Variants in ZDHHC14 observed in about 807,000 individuals in gnomAD.
ZDHHC14 encodes the protein palmitoyltransferase ZDHHC14.
ZDHHC14 carries 16 observed loss-of-function variants against 47.7 expected under a neutral mutation model. The ratio of observed to expected loss-of-function variants is 0.34; its 90% CI spans 0.23 to 0.51. The LOEUF (loss-of-function observed/expected upper bound fraction) is 0.51. ZDHHC14 is among the 20% of genes least tolerant of loss of function. The pLI is 0.97. For synonymous variants in ZDHHC14, 293 were observed against 278.9 expected, an observed-to-expected ratio of 1.05 and a Z score of -0.50; for missense variants, 515 against 662.5, an observed-to-expected ratio of 0.78 and a Z score of 2.44.
At chr6:157,460,405 G>GAAAAAAAAAAAAAAAAAAAAAAAA (rs1164382844) in intron 1 of ZDHHC14, among the ~76,000 whole-genome samples, 1 of 43,360 alleles carries the variant, frequency 2.3e-5, no homozygotes, top group Non-Finnish European at 4.0e-5. Flanking sequence ...TCTCTCTCTG[G>GAAAAAAAAAAAAAAAAAAAAAAAA]AAAAAAAAAA....
At chr6:157,413,839 G>A (rs889690522) in intron 1 of ZDHHC14, among the ~76,000 whole-genome samples, 1 of 152,114 alleles carries the variant, frequency 6.6e-6, no homozygotes, top group Non-Finnish European at 1.5e-5. Context: ...GTTACAAGGT[G>A]TCTGTTGAAT....
intron 1 of ZDHHC14, among the ~76,000 whole-genome samples, chr6:157,511,449 C>T (rs556773760): frequency 9.9e-5 from 15 of 151,036 alleles, no homozygotes; most frequent in Non-Finnish European, 1.9e-4. Flanking sequence ...GGTGCCATCT[C>T]GGCTCACTAC....
chr6:157,619,146 C>T (rs368216002), intron 3 of ZDHHC14, among the ~76,000 whole-genome samples: 4 of 151,652 alleles, frequency 2.6e-5, no homozygotes, highest in Admixed American at 1.3e-4. Context: ...ATGGGGAGGC[C>T]GAGGCAGGTG....
intron 2 of ZDHHC14, among the ~76,000 whole-genome samples, chr6:157,591,884 A>G (rs1783924484): frequency 6.6e-6 from 1 of 152,202 alleles, no homozygotes; most frequent in African/African-American, 2.4e-5. Context: ...GATGCTCCTC[A>G]GGACTGATCC....
Position 157,414,397 on chromosome 6 carries a change from C to T in ZDHHC14, c.245+32131C>T, listed in dbSNP as rs145730367. Among the ~76,000 whole-genome samples the T allele has an allele frequency of 8.3e-3, 1,269 of 152,362 alleles. 6 individuals carry two copies. Among genetic ancestry groups the T allele is most frequent in the Non-Finnish European group, 0.012 (794 of 68,032 alleles). On this transcript the variant is annotated intron_variant, in intron 1 of 8. Transcript: ENST00000359775. ...TTCTAGAAAAGTAGGCTAGCTGGCACCCTTGATTATGAAAACCATGGTGCC... is the reference window on the plus strand; with the variant it reads ...TTCTAGAAAAGTAGGCTAGCTGGCATCCTTGATTATGAAAACCATGGTGCC...
chr6:157,567,485 C>T (rs748433757), intron 2 of ZDHHC14, among the ~76,000 whole-genome samples: 6 of 152,114 alleles, frequency 3.9e-5, no homozygotes, highest in African/African-American at 7.2e-5. Flanking sequence ...CCTGGAGGTC[C>T]ATGACAACTG....
At chr6:157,406,336 C>T (rs1260340078) in intron 1 of ZDHHC14, among the ~76,000 whole-genome samples, 2 of 152,190 alleles carry the variant, frequency 1.3e-5, no homozygotes, top group African/African-American at 4.8e-5. Context: ...TGTGATGTCT[C>T]CTCAGGTATT....
intron 1 of ZDHHC14, among the ~76,000 whole-genome samples, chr6:157,462,753 G>A (rs1779121214): frequency 6.6e-6 from 1 of 152,238 alleles, no homozygotes; most frequent in South Asian, 2.1e-4. Context: ...AGGGTTCTCT[G>A]TTTGAAGTGC....
intron 2 of ZDHHC14, among the ~76,000 whole-genome samples, chr6:157,584,324 G>A (rs370752010): frequency 6.6e-6 from 1 of 151,852 alleles, no homozygotes; most frequent in Non-Finnish European, 1.5e-5. Context: ...GGAGGTGCCA[G>A]CATAGTGACT....
chr6:157,422,611 G>A (rs1199806523), intron 1 of ZDHHC14, among the ~76,000 whole-genome samples: 8 of 152,084 alleles, frequency 5.3e-5, no homozygotes, highest in African/African-American at 1.9e-4. Context: ...TTGCTATGTG[G>A]CAGACTCTAC....
At chr6:157,609,566 G>A (rs1784676420) in intron 3 of ZDHHC14, among the ~76,000 whole-genome samples, 1 of 151,862 alleles carries the variant, frequency 6.6e-6, no homozygotes. Context: ...TGTGTTGAGT[G>A]AGGTAGGTTG....
chr6:157,400,114 A>AT (rs1378158702), intron 1 of ZDHHC14, among the ~76,000 whole-genome samples: 2 of 152,056 alleles, frequency 1.3e-5, no homozygotes, highest in South Asian at 2.1e-4. Context: ...AACTTTTTCT[A>AT]TTTTTTCTTG....
At chr6:157,416,811 T>TTTG (rs1394950483) in intron 1 of ZDHHC14, among the ~76,000 whole-genome samples, 2 of 149,780 alleles carry the variant, frequency 1.3e-5, no homozygotes, top group Non-Finnish European at 3.0e-5. Context: ...TAGCAAATTT[T>TTTG]TTTTTTTTTT....
intron 3 of ZDHHC14, among the ~76,000 whole-genome samples, chr6:157,603,284 C>T (rs773257250): frequency 6.6e-6 from 1 of 152,172 alleles, no homozygotes; most frequent in Non-Finnish European, 1.5e-5. Context: ...CTGCCCTTAA[C>T]GAGTTTTCCA....
At chr6:157,593,173 C>A (rs752931227) in intron 3 of ZDHHC14, 27 bp downstream of exon 3, 7 of 1,589,082 alleles carry the variant, frequency 4.4e-6, no homozygotes, top group Non-Finnish European at 6.0e-6. Context: ...CGGAGCCTGG[C>A]GGGAGCCCGG....
chr6:157,597,896 A>G (rs565920486), intron 3 of ZDHHC14, among the ~76,000 whole-genome samples: 71 of 152,352 alleles, frequency 4.7e-4, no homozygotes, highest in Admixed American at 8.5e-4. Flanking sequence ...GCAGGGACTC[A>G]GTGTCCAGTC....
intron 1 of ZDHHC14, among the ~76,000 whole-genome samples, chr6:157,408,024 C>G (rs1777802299): frequency 6.6e-6 from 1 of 152,152 alleles, no homozygotes; most frequent in African/African-American, 2.4e-5. Flanking sequence ...TAGAAGTAGA[C>G]TCAAGAAGGA....
chr6:157,391,818 T>TA (rs1169847468), intron 1 of ZDHHC14, among the ~76,000 whole-genome samples: 2 of 152,226 alleles, frequency 1.3e-5, no homozygotes, highest in South Asian at 4.1e-4. Flanking sequence ...TTCTCATTGT[T>TA]AGAGTGGGAG....
chr6:157,670,125 C>G (rs1778730375), intron 8 of ZDHHC14, among the ~76,000 whole-genome samples: 1 of 152,148 alleles, frequency 6.6e-6, no homozygotes, highest in Non-Finnish European at 1.5e-5. Flanking sequence ...CTCAGTAGCC[C>G]CCACCGGAAG....
Sources: allele counts gnomAD v4.1 joint callset (sites outside exome capture counted in the v4.1 genomes callset), GRCh38; gene constraint gnomAD v4.1.1; transcripts MANE v1.5; gene names NCBI Gene and HGNC (gene_info 2026-07-23, HGNC 2026-07-21).